The following MFHAS1 variants were observed in gnomAD, a reference collection of about 807,000 sequenced individuals.
MFHAS1 encodes malignant fibrous histiocytoma-amplified sequence 1.
A neutral mutation model predicts 70.4 loss-of-function variants in MFHAS1; 50 were observed. The ratio of observed to expected loss-of-function variants is 0.71; its 90% CI spans 0.57 to 0.90. The LOEUF (loss-of-function observed/expected upper bound fraction) is 0.90, where lower values mean the gene tolerates loss of function less well. MFHAS1 is among the 40% of genes least tolerant of loss of function. The pLI, the probability that MFHAS1 is intolerant of heterozygous loss-of-function variation, is 0.00. For synonymous variants in MFHAS1, 952 were observed against 620.0 expected, an observed-to-expected ratio of 1.54 and a Z score of -7.96; for missense variants, 1,795 against 1,347.6, an observed-to-expected ratio of 1.33 and a Z score of -5.20.
chr8:8,836,710 T>A (rs1241195625), intron 1 of MFHAS1, among the ~76,000 whole-genome samples: 1 of 152,188 alleles, frequency 6.6e-6, no homozygotes, highest in Non-Finnish European at 1.5e-5. Flanking sequence ...CTTCCTGGTA[T>A]CTCCATTCAT....
intron 1 of MFHAS1, among the ~76,000 whole-genome samples, chr8:8,840,127 A>G (rs150581763): frequency 2.8e-3 from 429 of 152,224 alleles, no homozygotes; most frequent in African/African-American, 9.8e-3. Flanking sequence ...CACTGCCACT[A>G]CCTCATTATT....
rs145250762 is a variant in MFHAS1 at position 8,849,064 on chromosome 8, C to CTTTTTTTTTTTT, written c.2998+40985_2998+40996dup. On this transcript the variant is annotated intron_variant, in intron 1 of 2. Coordinates refer to ENST00000276282, the MANE Select transcript of MFHAS1 (RefSeq NM_004225.3). ...TCTGCAGCAATTAATTCCTTTTTACCTTTTTTTTTTTTTTTTTTTTTTTTT... is the reference window on the plus strand; with the variant it reads ...TCTGCAGCAATTAATTCCTTTTTACCTTTTTTTTTTTTTTTTTTTTTTTTTTTTTTTTTTTTT... Among the ~76,000 whole-genome samples, 18 of 75,770 alleles carry CTTTTTTTTTTTT rather than the reference C, an allele frequency of 2.4e-4. 2 individuals carry two copies. Among genetic ancestry groups the CTTTTTTTTTTTT allele is most frequent in the African/African-American group, 5.3e-4 (11 of 20,900 alleles). 49.7% of individuals were successfully genotyped at this position (75,770 alleles called of 152,430 possible).
intron 1 of MFHAS1, among the ~76,000 whole-genome samples, chr8:8,814,849 C>CTTTTTT (rs34438669): frequency 7.7e-5 from 10 of 130,426 alleles, no homozygotes; most frequent in Admixed American, 7.8e-5. Flanking sequence ...GCTAGAATTT[C>CTTTTTT]TTTTTTTTTT....
intron 1 of MFHAS1, among the ~76,000 whole-genome samples, chr8:8,862,925 T>C (rs1455763977): frequency 6.6e-6 from 1 of 152,244 alleles, no homozygotes; most frequent in Non-Finnish European, 1.5e-5. Flanking sequence ...TTTGCCCGTC[T>C]GAAGGTCACT....
intron 1 of MFHAS1, among the ~76,000 whole-genome samples, chr8:8,831,974 A>C (rs1212913455): frequency 6.6e-6 from 1 of 152,012 alleles, no homozygotes; most frequent in East Asian, 1.9e-4. Flanking sequence ...TTTTTCAGCA[A>C]ATGGTGCTAA....
intron 1 of MFHAS1, among the ~76,000 whole-genome samples, chr8:8,858,147 G>A (rs975375995): frequency 6.6e-6 from 1 of 152,190 alleles, no homozygotes; most frequent in South Asian, 2.1e-4. Context: ...ACGGAGCACA[G>A]GGGGTATACA....
chr8:8,844,306 T>C (rs1395314366), intron 1 of MFHAS1, among the ~76,000 whole-genome samples: 1 of 152,194 alleles, frequency 6.6e-6, no homozygotes, highest in African/African-American at 2.4e-5. Context: ...CTCTTTAAAA[T>C]GGGAAAAATG....
intron 1 of MFHAS1, among the ~76,000 whole-genome samples, chr8:8,870,163 T>G (rs534043871): frequency 6.6e-6 from 1 of 151,946 alleles, no homozygotes; most frequent in Admixed American, 6.6e-5. Context: ...GGCTAAAAGT[T>G]ATTTACACGG....
At chr8:8,883,707 CAAAAAAAA>C (rs35799658) in intron 1 of MFHAS1, among the ~76,000 whole-genome samples, 38 of 29,590 alleles carry the variant, frequency 1.3e-3, no homozygotes, top group African/African-American at 4.7e-3. Context: ...GACTCAGTCT[CAAAAAAAA>C]AAAAAAAAAA....
chr8:8,808,687 G>C (rs1455484351), intron 1 of MFHAS1, among the ~76,000 whole-genome samples: 1 of 152,226 alleles, frequency 6.6e-6, no homozygotes, highest in African/African-American at 2.4e-5. Flanking sequence ...TATGGTTACA[G>C]CACCTGCTAA....
At chr8:8,869,433 G>A (rs936353327) in intron 1 of MFHAS1, among the ~76,000 whole-genome samples, 1 of 152,252 alleles carries the variant, frequency 6.6e-6, no homozygotes, top group East Asian at 1.9e-4. Context: ...TATCTTTGCG[G>A]TATTTTAAAG....
chr8:8,792,249 C>A (rs1357224892), intron 2 of MFHAS1, among the ~76,000 whole-genome samples: 1 of 76,586 alleles, frequency 1.3e-5, no homozygotes, highest in Admixed American at 9.7e-5. Context: ...AACAAAAGCT[C>A]AGAAATCTGC....
At chr8:8,885,420 C>T (rs1242072732) in intron 1 of MFHAS1, among the ~76,000 whole-genome samples, 1 of 152,212 alleles carries the variant, frequency 6.6e-6, no homozygotes, top group Non-Finnish European at 1.5e-5. Context: ...ATTCACTCAT[C>T]TGCTTAAAAG....
chr8:8,886,108 C>G (rs1372061401), intron 1 of MFHAS1, among the ~76,000 whole-genome samples: 1 of 152,018 alleles, frequency 6.6e-6, no homozygotes, highest in East Asian at 1.9e-4. Flanking sequence ...ACAAATAGGT[C>G]TTCTCTCTGA....
At chr8:8,880,040 T>C (rs1242492792) in intron 1 of MFHAS1, among the ~76,000 whole-genome samples, 1 of 152,234 alleles carries the variant, frequency 6.6e-6, no homozygotes, top group East Asian at 1.9e-4. Flanking sequence ...TTTACGGAGC[T>C]CGTGTATGTC....
Position 8,785,945 on chromosome 8 carries a change from G to C in MFHAS1, c.*77C>G, listed in dbSNP as rs1805526733. Reference sequence around the variant, plus strand: ...CAGAACACGCTGGGGTGAGTGCAGAGGGTCTGCCAGGTGCAAAAGATGGTC... The same window carrying C: ...CAGAACACGCTGGGGTGAGTGCAGACGGTCTGCCAGGTGCAAAAGATGGTC... On this transcript the variant is annotated 3_prime_UTR_variant, in exon 3 of 3. Coordinates refer to ENST00000276282, the MANE Select transcript of MFHAS1 (RefSeq NM_004225.3). The C allele has an allele frequency of 2.7e-6, 4 of 1,458,948 alleles. No homozygotes were observed. The highest frequency in any genetic ancestry group is 2.9e-6 in the Non-Finnish European group (3 of 1,040,486). The allele number at this position is 1,458,948 out of a possible 1,614,324, so 90.4% of individuals were successfully genotyped here.
At position 8,797,372 on chromosome 8, in the gene MFHAS1, A is replaced by G; in HGVS notation, c.3118T>C (p.Cys1040Arg). ...YPPTPTVISPCSKKNVGEKHR... is the reference protein window; with the variant it reads ...YPPTPTVISPRSKKNVGEKHR... ...GGGACTTTGAGAACTCACTTGGAAC[A>G]GGGGCTGATCACAGTCGGCGTGGGT... Residue 1040 changes from cysteine (C) to arginine (R), a missense_variant, in exon 2 of 3, where the codon TGT becomes CGT. Physicochemically the swap from Cys to Arg is radical, Grantham distance 180. Transcript: ENST00000276282. 6.2e-7 allele frequency: 1 copy of G among 1,614,042 alleles called. No individual in the cohort carries two copies. The highest frequency in any genetic ancestry group is 8.5e-7 in the Non-Finnish European group (1 of 1,179,972).
At chr8:8,848,119 G>A (rs531146535) in intron 1 of MFHAS1, among the ~76,000 whole-genome samples, 2 of 152,158 alleles carry the variant, frequency 1.3e-5, no homozygotes, top group African/African-American at 2.4e-5. Context: ...CACCCAGCCC[G>A]CCCAGGGCTG....
chr8:8,794,516 G>T (rs1000955995), intron 2 of MFHAS1, among the ~76,000 whole-genome samples: 1 of 152,176 alleles, frequency 6.6e-6, no homozygotes, highest in Admixed American at 6.5e-5. Flanking sequence ...CGGTGAAGGT[G>T]GGGGAACACT....
Sources: gnomAD v4.1 joint callset for allele counts (sites outside exome capture counted in the v4.1 genomes callset) on GRCh38, gnomAD v4.1.1 for gene constraint, MANE v1.5 for transcripts, NCBI Gene and HGNC (gene_info 2026-07-23, HGNC 2026-07-21) for gene names.